Variants in GOLM2 observed in about 807,000 individuals in gnomAD.
GOLM2 encodes the protein protein GOLM2.
Under a neutral mutation model 55.9 loss-of-function variants are expected in GOLM2, and 26 were observed. The ratio of observed to expected loss-of-function variants is 0.47; its 90% CI spans 0.34 to 0.65. The LOEUF is 0.65. Among genes scored for constraint, GOLM2 ranks in the 30% least tolerant of loss-of-function variants. GOLM2 has a pLI of 0.01. For synonymous variants in GOLM2, 165 were observed against 194.6 expected, an observed-to-expected ratio of 0.85 and a Z score of 1.27; for missense variants, 486 against 531.8, an observed-to-expected ratio of 0.91 and a Z score of 0.85.
At chr15:44,391,639 A>G (rs2141203703) in intron 8 of GOLM2, among the ~76,000 whole-genome samples, 1 of 152,302 alleles carries the variant, frequency 6.6e-6, no homozygotes, top group African/African-American at 2.4e-5. Context: ...AAATAATATT[A>G]AAGGACACAT....
chr15:44,308,931 A>T (rs2078856260), intron 1 of GOLM2, among the ~76,000 whole-genome samples: 1 of 152,214 alleles, frequency 6.6e-6, no homozygotes, highest in Non-Finnish European at 1.5e-5. Flanking sequence ...AACTTATACA[A>T]TGTAATAACA....
intron 9 of GOLM2, among the ~76,000 whole-genome samples, chr15:44,408,688 TC>T (rs1024128657): frequency 5.3e-5 from 8 of 152,270 alleles, no homozygotes; most frequent in African/African-American, 1.9e-4. Flanking sequence ...ACTTAAAAAT[TC>T]CAAAAAGGGC....
chr15:44,407,510 A>T (rs2079605450), intron 9 of GOLM2, among the ~76,000 whole-genome samples: 1 of 151,750 alleles, frequency 6.6e-6, no homozygotes, highest in Non-Finnish European at 1.5e-5. Context: ...TCCTGGACTC[A>T]AGCAATCAGG....
intron 5 of GOLM2, 119 bp downstream of exon 5, chr15:44,338,026 A>C (rs574792635): frequency 1.9e-6 from 2 of 1,045,264 alleles, no homozygotes; most frequent in East Asian, 5.2e-5. Context: ...ACACATGATT[A>C]AGTGTCTGCA....
chr15:44,365,521 A>C (rs2079277702), intron 6 of GOLM2, among the ~76,000 whole-genome samples: 1 of 152,186 alleles, frequency 6.6e-6, no homozygotes, highest in African/African-American at 2.4e-5. Context: ...CCTGTGTCAA[A>C]AACAAAAAAG....
chr15:44,363,844 C>T (rs1225776626), intron 6 of GOLM2, among the ~76,000 whole-genome samples: 1 of 151,898 alleles, frequency 6.6e-6, no homozygotes, highest in Non-Finnish European at 1.5e-5. Flanking sequence ...ACATATACAC[C>T]ATGGAATACT....
intron 1 of GOLM2, among the ~76,000 whole-genome samples, chr15:44,315,314 G>C (rs1381988473): frequency 6.6e-6 from 1 of 152,172 alleles, no homozygotes; most frequent in East Asian, 1.9e-4. Flanking sequence ...ATAACCTTTG[G>C]AATAAATGGT....
At chr15:44,323,568 GAAA>G (rs968987390) in intron 2 of GOLM2, among the ~76,000 whole-genome samples, 11 of 142,654 alleles carry the variant, frequency 7.7e-5, no homozygotes, top group East Asian at 6.1e-4. Context: ...CTTTTATGGA[GAAA>G]AAAAAAAAGC....
At chr15:44,364,219 A>G (rs1243795664) in intron 6 of GOLM2, among the ~76,000 whole-genome samples, 1 of 152,076 alleles carries the variant, frequency 6.6e-6, no homozygotes, top group Non-Finnish European at 1.5e-5. Context: ...AAATAAAAAC[A>G]CACACTTAAC....
Position 44,413,856 on chromosome 15 carries a change from G to A in GOLM2, c.*450G>A, listed in dbSNP as rs1365086987. 1 of 150,520 alleles carries A rather than the reference G, an allele frequency of 6.6e-6. No homozygotes were observed. Among genetic ancestry groups the A allele is most frequent in the African/African-American group, 2.5e-5 (1 of 40,690 alleles). The allele number at this position is 150,520 out of a possible 1,614,324, so 9.3% of individuals were successfully genotyped here. A position where few individuals can be genotyped will look rare whatever the true frequency, so the allele number is the denominator to read the frequency against. On this transcript the variant is annotated 3_prime_UTR_variant, in exon 10 of 10. Coordinates refer to ENST00000299957, the MANE Select transcript of GOLM2 (RefSeq NM_138423.4). ...ACAGAGTTTTAGTCTTGTTTCCCAG[G>A]CTGGAGTGCAATGGCACAATCTTGG...
At chr15:44,304,230 C>CTTTTTTT (rs895623812) in intron 1 of GOLM2, among the ~76,000 whole-genome samples, 8 of 82,926 alleles carry the variant, frequency 9.6e-5, no homozygotes, top group African/African-American at 3.0e-4. Context: ...GGCTCCACTT[C>CTTTTTTT]TTTTTTTTTT....
At position 44,354,470 on chromosome 15, in the gene GOLM2, TAAATA is replaced by T. The variant is rs565188188; in HGVS notation, c.802+16168_802+16172del. 1.9e-3 allele frequency among the ~76,000 whole-genome samples: 290 copies of T among 151,320 alleles called. 1 individual carries two copies. The Middle Eastern group carries it at 0.024, about 13-fold the overall frequency. On this transcript the variant is annotated intron_variant, in intron 6 of 9. Coordinates refer to ENST00000299957, the MANE Select transcript of GOLM2 (RefSeq NM_138423.4). ...ATAATAATAATAAAATAAAAATAAA[TAAATA>T]AAATAAAATAAAATGAGACAGCAAC... is the stretch of plus-strand genomic sequence containing the variant.
intron 8 of GOLM2, among the ~76,000 whole-genome samples, chr15:44,393,108 T>C (rs917724457): frequency 2.0e-5 from 3 of 152,198 alleles, no homozygotes; most frequent in Non-Finnish European, 4.4e-5. Flanking sequence ...ATATTATTTG[T>C]AGACAATATG....
intron 1 of GOLM2, among the ~76,000 whole-genome samples, chr15:44,311,949 C>T (rs560428458): frequency 2.6e-5 from 4 of 152,144 alleles, no homozygotes; most frequent in Admixed American, 6.6e-5. Flanking sequence ...CATGCCAAGT[C>T]GTTAACATAG....
chr15:44,320,817 A>G (rs2078943680), intron 1 of GOLM2, among the ~76,000 whole-genome samples: 1 of 151,920 alleles, frequency 6.6e-6, no homozygotes, highest in Non-Finnish European at 1.5e-5. Context: ...TGGTCTTTTT[A>G]CTCCATCTTT....
intron 6 of GOLM2, among the ~76,000 whole-genome samples, chr15:44,371,211 A>G (rs772433766): frequency 4.6e-5 from 7 of 151,972 alleles, no homozygotes; most frequent in Non-Finnish European, 1.0e-4. Context: ...AAGACTGCCT[A>G]TTCATATATA....
chr15:44,415,387 C>T lies in GOLM2; in HGVS notation c.*1981C>T, dbSNP rs2079667093. ...ACTGCAAAAGCTTTACAAATGGAAA[C>T]CATGCAATTACCTGCCTTAGTTCTT... On this transcript the variant is annotated 3_prime_UTR_variant, in exon 10 of 10. Coordinates refer to ENST00000299957, the MANE Select transcript of GOLM2 (RefSeq NM_138423.4). 6.6e-6 allele frequency: 1 copy of T among 152,532 alleles called. No individual in the cohort carries two copies. The highest frequency in any genetic ancestry group is 2.1e-4 in the South Asian group (1 of 4,828). The allele number at this position is 152,532 out of a possible 1,614,324, so 9.4% of individuals were successfully genotyped here.
At position 44,289,019 on chromosome 15, in the gene GOLM2, G is replaced by T. The variant is rs1269495593; in HGVS notation, c.-11G>T. ...CGGCGAGGCCCCTAGGGTACAGCCC[G>T]ATTTGGCCCCATGGTGGGTTTCGGG... On this transcript the variant is annotated 5_prime_UTR_variant, in exon 1 of 10. Transcript: ENST00000299957. This position sits in a 1 kb window ranked among gnomAD's most constrained non-coding sequence, Gnocchi z 4.8. The T allele has an allele frequency of 5.6e-6, 9 of 1,609,960 alleles. No individual in the cohort carries two copies. The highest frequency in any genetic ancestry group is 1.6e-4 in the Middle Eastern group (1 of 6,070).
chr15:44,336,981 G>A (rs1003249808), intron 4 of GOLM2, among the ~76,000 whole-genome samples: 16 of 152,008 alleles, frequency 1.1e-4, no homozygotes, highest in African/African-American at 2.9e-4. Flanking sequence ...TAGATTTTTC[G>A]TACTATTTTT....
Sources: gnomAD v4.1 joint callset for allele counts (sites outside exome capture counted in the v4.1 genomes callset) on GRCh38, gnomAD v4.1.1 for gene constraint, Gnocchi (gnomAD v3.1) non-coding constraint, MANE v1.5 for transcripts, NCBI Gene and HGNC (gene_info 2026-07-23, HGNC 2026-07-21) for gene names.